Variants in ZNF581 observed in about 807,000 individuals in gnomAD.
The protein encoded by ZNF581 is zinc finger protein 581.
Under a neutral mutation model 1.2 loss-of-function variants are expected in ZNF581, and 1 was observed. The observed-to-expected ratio is 0.83, with a 90% CI of 0.30 to 3.95. The LOEUF is 3.95. Among genes scored for constraint, ZNF581 ranks in the 30% most tolerant of loss-of-function variants. The pLI is 0.18. For synonymous variants in ZNF581, 105 were observed against 109.2 expected (o/e 0.96, Z 0.24); for missense variants, 273 against 274.6 (o/e 0.99, Z 0.04).
At chr19:55,641,571 A>T (rs1652324324), upstream of ZNF581, among the ~76,000 whole-genome samples, 1 of 152,108 alleles carries the variant, frequency 6.6e-6, no homozygotes. Flanking sequence ...AGGAGGGGAA[A>T]GTGGGCTTGG....
chr19:55,643,221 C>T (rs1354444260), upstream of ZNF581: 1 of 1,018,348 alleles, frequency 9.8e-7, no homozygotes, highest in South Asian at 4.4e-5. Context: ...TGATGTAGAC[C>T]AAAGTCGTTG....
chr19:55,636,115 G>T (rs1267946809), upstream of ZNF581, among the ~76,000 whole-genome samples: 1 of 152,218 alleles, frequency 6.6e-6, no homozygotes, highest in Non-Finnish European at 1.5e-5. Flanking sequence ...ACTTGGTCCT[G>T]AGGGTAAAGG....
At chr19:55,640,981 G>A (rs1253936708), upstream of ZNF581, 3 of 985,284 alleles carry the variant, frequency 3.0e-6, no homozygotes, top group Non-Finnish European at 3.6e-6. Context: ...TCCGCACTGG[G>A]CTCGCGCGCT....
exon 1 of ZNF581, chr19:55,635,510 C>G: frequency 4.6e-6 from 1 of 219,122 alleles, no homozygotes; most frequent in Non-Finnish European, 7.8e-6. Context: ...GGCCGGAGAT[C>G]TGAGTGGCCT....
In ZNF581 at chr19:55,645,271, C is replaced by A; in HGVS notation, c.*106C>A. On this transcript the variant is annotated 3_prime_UTR_variant, in exon 2 of 2. Coordinates refer to ENST00000270451, the MANE Select transcript of ZNF581 (RefSeq NM_016535.4). ...AGGCTGGTGTTCAGGGCCCTGGACA[C>A]AGACACAGAGCAGCCGCATCTCAAA... is the stretch of plus-strand genomic sequence containing the variant. 2.0e-6 allele frequency: 2 copies of A among 1,014,240 alleles called. No homozygotes were observed. Among genetic ancestry groups the A allele is most frequent in the Non-Finnish European group, 2.8e-6 (2 of 717,318 alleles). The allele number at this position is 1,014,240 out of a possible 1,614,324, so 62.8% of individuals were successfully genotyped here. A position where few individuals can be genotyped will look rare whatever the true frequency, so the allele number is the denominator to read the frequency against.
At chr19:55,643,606 C>G (rs1982671622), upstream of ZNF581, 1 of 152,588 alleles carries the variant, frequency 6.6e-6, no homozygotes, top group Non-Finnish European at 1.5e-5. Context: ...GCGCCCCGCC[C>G]CAACCTTCCT....
In ZNF581 at chr19:55,645,262, C is replaced by A. The variant is rs540511436; in HGVS notation, c.*97C>A. 2 of 1,117,446 alleles carry A rather than the reference C, an allele frequency of 1.8e-6. No individual in the cohort carries two copies. Among genetic ancestry groups the A allele is most frequent in the South Asian group, 3.6e-5 (2 of 54,998 alleles). 69.2% of individuals were successfully genotyped at this position (1,117,446 alleles called of 1,614,324 possible). A position where few individuals can be genotyped will look rare whatever the true frequency, so the allele number is the denominator to read the frequency against. ...GAGAGCCTGAGGCTGGTGTTCAGGG[C>A]CCTGGACACAGACACAGAGCAGCCG... On this transcript the variant is annotated 3_prime_UTR_variant, in exon 2 of 2. Transcript: ENST00000270451.
chr19:55,642,104 A>C (rs1982532501), upstream of ZNF581: 9 of 999,604 alleles, frequency 9.0e-6, no homozygotes, highest in South Asian at 3.2e-4. Context: ...CACAGATTAG[A>C]GAAATCTCGG....
rs1001170466 is a variant in ZNF581, at chr19:55,644,564, C to T, written c.-8C>T. The T allele has an allele frequency of 6.3e-7, 1 of 1,576,750 alleles. No homozygotes were observed. The highest frequency in any genetic ancestry group is 1.8e-5 in the Admixed American group (1 of 56,780). ...CTCCCATCCACCAGGCCTCAGCCAG[C>T]CCTCCGGATGCTGGTGCTGCCATCC... is the stretch of plus-strand genomic sequence containing the variant. On this transcript the variant is annotated 5_prime_UTR_variant, in exon 2 of 2. Transcript: ENST00000270451. The surrounding 1 kb of genome is among the most constrained non-coding windows in gnomAD (Gnocchi z 4.3).
At chr19:55,640,491 C>T (rs1484147782), upstream of ZNF581, 3 of 985,370 alleles carry the variant, frequency 3.0e-6, no homozygotes, top group East Asian at 1.1e-4. Context: ...GTCTGGCCCT[C>T]TGTGGGCCTC....
upstream of ZNF581, chr19:55,643,044 G>T (rs1222785118): frequency 7.4e-7 from 1 of 1,350,280 alleles, no homozygotes; most frequent in Non-Finnish European, 9.5e-7. Flanking sequence ...GACCCGGCCT[G>T]TGCTGCCCTG....
upstream of ZNF581, chr19:55,641,110 C>G (rs1982435494): frequency 1.0e-6 from 1 of 985,286 alleles, no homozygotes; most frequent in Non-Finnish European, 1.2e-6. Flanking sequence ...CCGCCGCCGG[C>G]GCTCGCCAGG....
At position 55,644,698 on chromosome 19, in the gene ZNF581, C is replaced by T; in HGVS notation, c.127C>T (p.Gln43Ter). Reference protein sequence around the residue: ...PGPSSSIGSPQASSPPRPNHY... With the variant: ...PGPSSSIGSP ...ACCTTCCTCCTCCATCGGATCTCCC[C>T]AGGCTTCATCTCCTCCAAGGCCCAA... The change falls in exon 2 of 2, where the codon CAG (glutamine) becomes TAG (stop). Residue 43 changes from glutamine to a stop codon, truncating the protein, a stop_gained. Coordinates refer to ENST00000270451, the MANE Select transcript of ZNF581 (RefSeq NM_016535.4). LOFTEE classifies it low-confidence loss of function (END_TRUNC). This position sits in a 1 kb window ranked among gnomAD's most constrained non-coding sequence, Gnocchi z 4.3. 6.2e-7 allele frequency: 1 copy of T among 1,613,726 alleles called. No individual in the cohort carries two copies. The highest frequency in any genetic ancestry group is 8.5e-7 in the Non-Finnish European group (1 of 1,179,856).
chr19:55,642,898 G>T, upstream of ZNF581: 1 of 1,555,522 alleles, frequency 6.4e-7, no homozygotes, highest in Non-Finnish European at 8.6e-7. Flanking sequence ...AGGCCTTCAA[G>T]CGCTCCAGCC....
upstream of ZNF581, chr19:55,641,767 G>A (rs1023279339): frequency 6.6e-6 from 1 of 152,258 alleles, no homozygotes; most frequent in African/African-American, 2.4e-5. Context: ...ACAGAAGGAA[G>A]GCATTTGAGC....
At chr19:55,635,666 G>A (rs939603154) in exon 1 of ZNF581, 3 of 988,022 alleles carry the variant, frequency 3.0e-6, no homozygotes, top group South Asian at 9.3e-5. Flanking sequence ...AAGATTTGAG[G>A]TGTAAATGGA....
Position 55,644,981 on chromosome 19 carries a change from A to C in ZNF581, c.410A>C (p.His137Pro). 1 of 1,605,704 alleles carries C rather than the reference A, an allele frequency of 6.2e-7. No individual in the cohort carries two copies. The highest frequency in any genetic ancestry group is 1.1e-5 in the South Asian group (1 of 90,916). ...CACTTGGCACGGCACCATTCCATTC[A>C]CCTGGCGGGTGGTGGGCGGCCCCAC... The part of the protein sequence containing the change: ...ASHLARHHSI[H>P]LAGGGRPHGC... The change falls in exon 2 of 2, where the codon CAC becomes CCC. Residue 137 changes from histidine to proline, a missense_variant. Physicochemically the swap from His to Pro is moderately conservative, Grantham distance 77 (BLOSUM62 -2). Coordinates refer to ENST00000270451, the MANE Select transcript of ZNF581 (RefSeq NM_016535.4). This position sits in a 1 kb window ranked among gnomAD's most constrained non-coding sequence, Gnocchi z 4.3.
chr19:55,642,526 G>A (rs1261048180), upstream of ZNF581: 1 of 1,436,078 alleles, frequency 7.0e-7, no homozygotes, highest in African/African-American at 1.5e-5. Context: ...TGCTGCCGCC[G>A]CGGCCACCCC....
chr19:55,644,958 C>T lies in ZNF581; in HGVS notation c.387C>T (p.His129=). ...GGAAGGCATTCAAGCGCGCCAGCCACTTGGCACGGCACCATTCCATTCACC... is the reference window on the plus strand; with the variant it reads ...GGAAGGCATTCAAGCGCGCCAGCCATTTGGCACGGCACCATTCCATTCACC... ...ICGKAFKRAS[H]LARHHSIHLA... Residue 129 remains histidine, a synonymous_variant, in exon 2 of 2, where the codon CAC becomes CAT. Coordinates refer to ENST00000270451, the MANE Select transcript of ZNF581 (RefSeq NM_016535.4). This position sits in a 1 kb window ranked among gnomAD's most constrained non-coding sequence, Gnocchi z 4.3. 1 of 1,612,734 alleles carries T rather than the reference C, an allele frequency of 6.2e-7. No homozygotes were observed. The highest frequency in any genetic ancestry group is 8.5e-7 in the Non-Finnish European group (1 of 1,178,950).
Sources: gnomAD v4.1 joint callset for allele counts (sites outside exome capture counted in the v4.1 genomes callset) on GRCh38, gnomAD v4.1.1 for gene constraint, Gnocchi (gnomAD v3.1) non-coding constraint, MANE v1.5 for transcripts, NCBI Gene and HGNC (gene_info 2026-07-23, HGNC 2026-07-21) for gene names.